The following LAMA1 variants were observed in gnomAD, a reference collection of about 807,000 sequenced individuals.
LAMA1 encodes the protein laminin subunit alpha 1.
A neutral mutation model predicts 348.7 loss-of-function variants in LAMA1; 219 were observed. That is an observed-to-expected ratio of 0.63 (90% CI 0.56 to 0.70). The LOEUF is 0.70. Among genes scored for constraint, LAMA1 ranks in the 30% least tolerant of loss-of-function variants. The pLI is 0.00. For synonymous variants in LAMA1, 1,487 were observed against 1,491.0 expected (o/e 1.00, Z 0.06); for missense variants, 3,744 against 3,888.0 (o/e 0.96, Z 0.99).
intron 1 of LAMA1, among the ~76,000 whole-genome samples, chr18:7,103,332 G>C (rs1420710944): frequency 6.6e-6 from 1 of 151,952 alleles, no homozygotes; most frequent in Admixed American, 6.6e-5. Flanking sequence ...GTGAACCCAG[G>C]AGGCGGAGCT....
In LAMA1 at chr18:6,977,738, G is replaced by GTT; in HGVS notation, c.6332_6333dup (p.Gln2112AsnfsTer32). On this transcript the variant is annotated frameshift_variant, in exon 44 of 63. Transcript: ENST00000389658. LOFTEE classifies it high-confidence loss of function. ...GGCCCCAAACTCACAGAAGCTGCTT[G>GTT]TTTGCGGGCCTGGCTGATCAACAGT... 6.2e-7 allele frequency: 1 copy of GTT among 1,614,114 alleles called. No homozygotes were observed. Among genetic ancestry groups the GTT allele is most frequent in the Non-Finnish European group, 8.5e-7 (1 of 1,180,000 alleles).
At chr18:7,081,242 A>G (rs1262938435) in intron 1 of LAMA1, among the ~76,000 whole-genome samples, 1 of 152,198 alleles carries the variant, frequency 6.6e-6, no homozygotes, top group African/African-American at 2.4e-5. Context: ...AATGTTTACA[A>G]TAAAATGTTG....
At chr18:7,106,503 G>T (rs561524135) in intron 1 of LAMA1, among the ~76,000 whole-genome samples, 1 of 152,032 alleles carries the variant, frequency 6.6e-6, no homozygotes, top group Non-Finnish European at 1.5e-5. Context: ...CGGACTACAG[G>T]TGTGCACCAC....
In LAMA1 at chr18:7,012,477, ATATTAT is replaced by A. The variant is rs961310254; in HGVS notation, c.3364-345_3364-340del. Among the ~76,000 whole-genome samples the A allele has an allele frequency of 3.9e-4, 55 of 140,502 alleles. 1 individual carries two copies. The East Asian group carries it at 4.2e-3, about 11-fold the overall frequency. The allele number at this position is 140,502 out of a possible 152,430, so 92.2% of individuals were successfully genotyped here. A position where few individuals can be genotyped will look rare whatever the true frequency, so the allele number is the denominator to read the frequency against. ...GTGAGAGCCACCGGCCAGGTGATAA[ATATTAT>A]TATTATTATTATTATATTATTATTA... On this transcript the variant is annotated intron_variant, in intron 23 of 62. Transcript: ENST00000389658.
chr18:7,096,647 ACTCTCT>A (rs34801895), intron 1 of LAMA1, among the ~76,000 whole-genome samples: 2 of 149,686 alleles, frequency 1.3e-5, no homozygotes, highest in South Asian at 2.1e-4. Context: ...CAAGCAAGAC[ACTCTCT>A]CTCTCTCTCT....
chr18:7,057,667 C>T (rs1261358869), intron 3 of LAMA1, among the ~76,000 whole-genome samples: 7 of 151,186 alleles, frequency 4.6e-5, no homozygotes, highest in Non-Finnish European at 1.0e-4. Flanking sequence ...TTCATAGTCA[C>T]GGGGTCTCAC....
intron 10 of LAMA1, among the ~76,000 whole-genome samples, chr18:7,039,173 G>A (rs770303054): frequency 1.3e-5 from 2 of 151,992 alleles, no homozygotes; most frequent in East Asian, 1.9e-4. Context: ...CTTAGAACTC[G>A]GTCATTCCAT....
chr18:7,105,719 A>G (rs187318960), intron 1 of LAMA1, among the ~76,000 whole-genome samples: 91 of 152,330 alleles, frequency 6.0e-4, no homozygotes, highest in Non-Finnish European at 1.0e-3. Flanking sequence ...ATTTTGGATG[A>G]ATTCGTTAAA....
At chr18:7,109,962 T>A (rs975202088) in intron 1 of LAMA1, among the ~76,000 whole-genome samples, 1 of 151,948 alleles carries the variant, frequency 6.6e-6, no homozygotes, top group African/African-American at 2.4e-5. Flanking sequence ...GGCGGGTGGA[T>A]CACAAGGTCA....
intron 53 of LAMA1, 140 bp from the exon 54 acceptor site, chr18:6,959,632 A>C (rs2057597983): frequency 4.7e-6 from 4 of 849,108 alleles, no homozygotes; most frequent in Non-Finnish European, 5.8e-6. Flanking sequence ...CAGCTGTCAC[A>C]ATGTTACATT....
At position 6,956,681 on chromosome 18, in the gene LAMA1, G is replaced by A. The variant is rs145856205; in HGVS notation, c.8049C>T (p.Pro2683=). The A allele has an allele frequency of 7.1e-5, 114 of 1,614,124 alleles. No homozygotes were observed. In the African/African-American group the frequency reaches 1.2e-3, roughly 17 times the overall value. ...CWLSERPKLA[P]DAEDSKLLPE... is the part of the protein sequence containing the mutation. ...GCAAGAGCTTGCTGTCCTCTGCATC[G>A]GGAGCCAGCTTAGGCCTTTCTGACA... Residue 2683 remains proline (P), a synonymous_variant, in exon 56 of 63, where the codon CCC becomes CCT. Transcript: ENST00000389658.
chr18:7,037,023 C>T (rs1194572915), intron 12 of LAMA1, among the ~76,000 whole-genome samples: 1 of 152,190 alleles, frequency 6.6e-6, no homozygotes, highest in African/African-American at 2.4e-5. Flanking sequence ...ACAAACCAAC[C>T]TCCACATTGC....
chr18:6,993,665 C>T lies in LAMA1; in HGVS notation c.4984G>A (p.Glu1662Lys). ...CCTGTGATGCTCATCTGCAGCCTCT[C>T]AATGGCTATGGCCAGGTCTTGACTC... ...KESQDLAIAI[E>K]RLQMSITEIM... Residue 1662 changes from glutamate (E) to lysine (K), a missense_variant, in exon 35 of 63, where the codon GAG becomes AAG. This residue lies in a region of LAMA1 where 1,983 missense variants were observed against 1,934.3 expected (regional missense o/e 1.03). Transcript: ENST00000389658. 1.9e-6 allele frequency: 3 copies of T among 1,613,808 alleles called. No homozygotes were observed. The highest frequency in any genetic ancestry group is 2.5e-6 in the Non-Finnish European group (3 of 1,179,690).
rs745705293 is a variant in LAMA1, at chr18:7,010,203, T to C, written c.3870A>G (p.Arg1290=). ...GVRQEQEVAM[R]ENFWKYFNSV... ...TATGAAAAGATCCCATTATCACCTCTCTCATTGCTACTTCTTGTTCCTGTC... is the reference window on the plus strand; with the variant it reads ...TATGAAAAGATCCCATTATCACCTCCCTCATTGCTACTTCTTGTTCCTGTC... The change falls in exon 26 of 63, where the codon AGA becomes AGG. Residue 1290 remains arginine, a synonymous_variant. Coordinates refer to ENST00000389658, the MANE Select transcript of LAMA1 (RefSeq NM_005559.4). 1 of 1,614,140 alleles carries C rather than the reference T, an allele frequency of 6.2e-7. No homozygotes were observed. The highest frequency in any genetic ancestry group is 8.5e-7 in the Non-Finnish European group (1 of 1,180,006).
At chr18:6,998,893 C>A (rs947891040) in intron 32 of LAMA1, among the ~76,000 whole-genome samples, 8 of 152,128 alleles carry the variant, frequency 5.3e-5, no homozygotes, top group Non-Finnish European at 1.0e-4. Context: ...ATTAGCCAGG[C>A]AAGGTGGTGG....
At chr18:7,007,891 G>A (rs1600389309) in intron 28 of LAMA1, among the ~76,000 whole-genome samples, 1 of 150,440 alleles carries the variant, frequency 6.6e-6, no homozygotes, top group South Asian at 2.1e-4. Flanking sequence ...TTCGCAAAAA[G>A]ACAAGTTCTG....
In LAMA1 at chr18:7,117,781, C is replaced by G. The variant is rs574171208; in HGVS notation, c.-61G>C. The G allele has an allele frequency of 1.9e-5, 28 of 1,487,782 alleles. No individual in the cohort carries two copies. The African/African-American group carries it at 3.9e-4, about 21-fold the overall frequency. The allele number at this position is 1,487,782 out of a possible 1,614,324, so 92.2% of individuals were successfully genotyped here. ...AAGCCGCGCGCCCGCCTGGAACGCT[C>G]CACGGGACGCGAGTCCGCGCTGCCC... On this transcript the variant is annotated 5_prime_UTR_variant, in exon 1 of 63. Coordinates refer to ENST00000389658, the MANE Select transcript of LAMA1 (RefSeq NM_005559.4).
intron 34 of LAMA1, among the ~76,000 whole-genome samples, chr18:6,994,321 C>T (rs1437855513): frequency 6.6e-6 from 1 of 152,216 alleles, no homozygotes; most frequent in Non-Finnish European, 1.5e-5. Flanking sequence ...GAGGCTGACA[C>T]TTAGCTGTCC....
In LAMA1 at chr18:7,002,399, T is replaced by A. The variant is rs1440976410; in HGVS notation, c.4261-14A>T. The A allele has an allele frequency of 6.2e-7, 1 of 1,611,304 alleles. No individual in the cohort carries two copies. Among genetic ancestry groups the A allele is most frequent in the Non-Finnish European group, 8.5e-7 (1 of 1,179,652 alleles). On this transcript the variant is annotated splice_polypyrimidine_tract_variant and intron_variant, in intron 29 of 62. Transcript: ENST00000389658. ...ATCGCCACAGTTCTGGGAGCCCACA[T>A]TTAAAGGAAGGGGGAAAAAATGGGA...
Sources: gnomAD v4.1 joint callset for allele counts (sites outside exome capture counted in the v4.1 genomes callset) on GRCh38, gnomAD v4.1.1 for gene constraint, gnomAD v4.1.1 regional missense constraint, MANE v1.5 for transcripts, NCBI Gene and HGNC (gene_info 2026-07-23, HGNC 2026-07-21) for gene names.